The following ACE variants were observed in gnomAD, a reference collection of about 807,000 sequenced individuals.
ACE encodes the protein angiotensin I converting enzyme.
A neutral mutation model predicts 162.3 loss-of-function variants in ACE; 122 were observed. The observed-to-expected ratio is 0.75, with a 90% confidence interval of 0.65 to 0.87. ACE has a LOEUF of 0.87. ACE is among the 40% of genes least tolerant of loss of function. The probability of loss-of-function intolerance (pLI) is 0.00; values close to 1 mark genes in which losing one functional copy is unlikely to be tolerated. For missense variants in ACE, 1,799 were observed against 1,735.1 expected (o/e 1.04, Z -0.65); for synonymous variants, 796 against 720.6 (o/e 1.10, Z -1.68).
At position 63,497,286 on chromosome 17, in the gene ACE, T is replaced by C; in HGVS notation, c.3841T>C (p.Phe1281Leu). 6.4e-7 allele frequency: 1 copy of C among 1,555,580 alleles called. No homozygotes were observed. Among genetic ancestry groups the C allele is most frequent in the Non-Finnish European group, 8.7e-7 (1 of 1,151,632 alleles). The change falls in exon 25 of 25, where the codon TTC becomes CTC. Residue 1281 changes from phenylalanine (F) to leucine (L), a missense_variant. Physicochemically the swap from Phe to Leu is conservative, Grantham distance 22. Coordinates refer to ENST00000290866, the MANE Select transcript of ACE (RefSeq NM_000789.4). ...VATLGLSQRL[F>L]SIRHRSLHRH... ...CACCCTGGGCCTCAGCCAGCGGCTC[T>C]TCAGCATCCGCCACCGCAGCCTCCA...
rs780740094 is a variant in ACE, at chr17:63,481,167, C to T, written c.924C>T (p.Val308=). The T allele has an allele frequency of 2.9e-5, 46 of 1,613,110 alleles. No homozygotes were observed. The South Asian group carries it at 4.7e-4, about 17-fold the overall frequency. ...TCCCAGACAAGCCCAACCTCGATGT[C>T]ACCAGTACTATGCTGCAGCAGGTAA... The part of the protein sequence containing the change: ...VPFPDKPNLD[V]TSTMLQQGWN... The change falls in exon 6 of 25, where the codon GTC becomes GTT. Residue 308 remains valine (V), a synonymous_variant. Transcript: ENST00000290866.
intron 17 of ACE, chr17:63,490,628 G>A (rs560249643): frequency 2.5e-6 from 1 of 402,484 alleles, no homozygotes; most frequent in South Asian, 2.2e-5. Context: ...GGCCACCGGG[G>A]TGTAGGTGTT....
At chr17:63,482,354 C>T (rs1237064831) in intron 7 of ACE, 112 bp from the exon 8 acceptor site, 1 of 945,764 alleles carries the variant, frequency 1.1e-6, no homozygotes, top group Non-Finnish European at 1.7e-6. Flanking sequence ...CTTCATGCCC[C>T]AGGGCAGCTC....
At position 63,494,152 on chromosome 17, in the gene ACE, G is replaced by A. The variant is rs1325945243; in HGVS notation, c.3281+86G>A. The A allele has an allele frequency of 3.2e-6, 5 of 1,556,156 alleles. No individual in the cohort carries two copies. The East Asian group carries it at 9.1e-5, about 28-fold the overall frequency. ...TGGGTGTCTGGATGGGCCAGGGTAG[G>A]GGAGTGTGTGTGTGTGTGTACACTA... On this transcript the variant is annotated intron_variant, in intron 21 of 24. Transcript: ENST00000290866.
chr17:63,479,658 G>A lies in ACE; in HGVS notation c.512-111G>A, dbSNP rs1251519436. 2.8e-6 allele frequency: 4 copies of A among 1,451,814 alleles called. No individual in the cohort carries two copies. The African/African-American group carries it at 5.6e-5, about 20-fold the overall frequency. 89.9% of individuals were successfully genotyped at this position (1,451,814 alleles called of 1,614,324 possible). A position where few individuals can be genotyped will look rare whatever the true frequency, so the allele number is the denominator to read the frequency against. On this transcript the variant is annotated intron_variant, in intron 3 of 24. Transcript: ENST00000290866. ...TGGCCCCTGTCTCTGGGGGCACCGT[G>A]ATGTTCAGGAAGCTGGTGGGAGCAG... is the stretch of plus-strand genomic sequence containing the variant.
In ACE at chr17:63,486,570, T is replaced by C; in HGVS notation, c.2072T>C (p.Met691Thr). 1 of 1,614,118 alleles carries C rather than the reference T, an allele frequency of 6.2e-7. No homozygotes were observed. Among genetic ancestry groups the C allele is most frequent in the Non-Finnish European group, 8.5e-7 (1 of 1,180,014 alleles). The part of the protein sequence containing the change: ...ETSKILLQKN[M>T]QIANHTLKYG... ...CTGTGCCCTCAGCTGCAGAAGAACA[T>C]GCAAATAGCCAACCACACCCTGAAG... Residue 691 changes from methionine (M) to threonine (T), a missense_variant, in exon 14 of 25, where the codon ATG becomes ACG. Physicochemically the swap from Met to Thr is moderately conservative, Grantham distance 81. Coordinates refer to ENST00000290866, the MANE Select transcript of ACE (RefSeq NM_000789.4).
chr17:63,479,212 A>C, intron 3 of ACE, 112 bp downstream of exon 3: 4 of 889,176 alleles, frequency 4.5e-6, no homozygotes, highest in East Asian at 2.7e-5. Flanking sequence ...GGTAAACCCA[A>C]AGGTGTTGCC....
Position 63,477,123 on chromosome 17 carries a change from C to CGGGGCTGCTGCTGCCGCT in ACE, c.31_48dup (p.Gly11_Leu16dup). 7.3e-7 allele frequency: 1 copy of CGGGGCTGCTGCTGCCGCT among 1,372,216 alleles called. No homozygotes were observed. The highest frequency in any genetic ancestry group is 3.2e-5 in the Admixed American group (1 of 30,904). The allele number at this position is 1,372,216 out of a possible 1,614,324, so 85.0% of individuals were successfully genotyped here. ...GGGGCCGCCTCGGGCCGCCGGGGGC[C>CGGGGCTGCTGCTGCCGCT]GGGGCTGCTGCTGCCGCTGCCGCTG... On this transcript the variant is annotated inframe_insertion, in exon 1 of 25. Transcript: ENST00000290866.
Position 63,477,974 on chromosome 17 carries a change from G to A in ACE, c.293G>A (p.Gly98Asp). 1 of 1,612,260 alleles carries A rather than the reference G, an allele frequency of 6.2e-7. No homozygotes were observed. Among genetic ancestry groups the A allele is most frequent in the East Asian group, 2.2e-5 (1 of 44,828 alleles). The change falls in exon 2 of 25, where the codon GGC (glycine) becomes GAC (aspartate). Residue 98 changes from glycine (G) to aspartate (D), a missense_variant. Transcript: ENST00000290866. ...LLSQEFAEAW[G>D]QKAKELYEPI... The stretch of plus-strand genomic sequence containing the variant: ...AGCCAGGAGTTTGCGGAGGCCTGGG[G>A]CCAGAAGGCCAAGGAGCTGTATGAA...
chr17:63,496,778 CCT>C lies in ACE; in HGVS notation c.3504-19_3504-18del. The C allele has an allele frequency of 6.2e-7, 1 of 1,610,360 alleles. No individual in the cohort carries two copies. The highest frequency in any genetic ancestry group is 8.5e-7 in the Non-Finnish European group (1 of 1,179,916). On this transcript the variant is annotated intron_variant, in intron 23 of 24. Transcript: ENST00000290866. The stretch of plus-strand genomic sequence containing the variant: ...GGCCATGTCCTTCTGACTCTGCCTC[CCT>C]GTCTCATGCCTCCCCAGGACCGCCA...
chr17:63,482,534 A>G lies in ACE; in HGVS notation c.1187A>G (p.Gln396Arg). The change falls in exon 8 of 25, where the codon CAG (glutamine) becomes CGG (arginine). Residue 396 changes from glutamine to arginine, a missense_variant. Transcript: ENST00000290866. Reference sequence around the variant, plus strand: ...GTGCACCATGAGATGGGCCATATACAGTACTACCTGCAGTACAAGGATCTG... The same window carrying G: ...GTGCACCATGAGATGGGCCATATACGGTACTACCTGCAGTACAAGGATCTG... ...STVHHEMGHI[Q>R]YYLQYKDLPV... The G allele has an allele frequency of 1.2e-6, 2 of 1,614,084 alleles. No individual in the cohort carries two copies. Among genetic ancestry groups the G allele is most frequent in the Non-Finnish European group, 1.7e-6 (2 of 1,180,008 alleles).
chr17:63,478,728 G>A, intron 2 of ACE: 1 of 518,946 alleles, frequency 1.9e-6, no homozygotes, highest in Non-Finnish European at 3.5e-6. Context: ...GAATGGGAGG[G>A]ATCTGCCCTC....
At chr17:63,497,024 C>G (rs769766742) in intron 24 of ACE, 39 bp downstream of exon 24, 1 of 1,395,486 alleles carries the variant, frequency 7.2e-7, no homozygotes, top group Non-Finnish European at 9.6e-7. Flanking sequence ...TGGGTCTTAA[C>G]CCCCTCCCCA....
intron 22 of ACE, chr17:63,496,139 C>G: frequency 1.9e-6 from 1 of 531,280 alleles, no homozygotes; most frequent in Non-Finnish European, 3.4e-6. Flanking sequence ...TGGAGCAGGC[C>G]CTCCTGAGTT....
chr17:63,484,630 C>T lies in ACE; in HGVS notation c.1921+89C>T. On this transcript the variant is annotated intron_variant, in intron 12 of 24. Coordinates refer to ENST00000290866, the MANE Select transcript of ACE (RefSeq NM_000789.4). The surrounding 1 kb of genome is among the most constrained non-coding windows in gnomAD (Gnocchi z 4.0). ...GCCCCAGGTTCCTGGTCAGCTCCTA[C>T]CAGCTGAGCCCTGGTACCCTGTCCT... 3 of 1,484,328 alleles carry T rather than the reference C, an allele frequency of 2.0e-6. No individual in the cohort carries two copies. The highest frequency in any genetic ancestry group is 2.7e-6 in the Non-Finnish European group (3 of 1,108,620). 91.9% of individuals were successfully genotyped at this position (1,484,328 alleles called of 1,614,324 possible).
At chr17:63,480,598 T>C in intron 5 of ACE, 70 bp downstream of exon 5, 1 of 1,562,268 alleles carries the variant, frequency 6.4e-7, no homozygotes, top group African/African-American at 1.4e-5. Flanking sequence ...GTGGGGGATG[T>C]CCAGGGTAAG....
At position 63,488,096 on chromosome 17, in the gene ACE, G is replaced by A. The variant is rs369569083; in HGVS notation, c.2306-552G>A. Among the ~76,000 whole-genome samples, 21 of 152,278 alleles carry A rather than the reference G, an allele frequency of 1.4e-4. No homozygotes were observed. The South Asian group carries it at 2.1e-3, about 15-fold the overall frequency. ...CTAAAAATACAAAAGTTAGCTGGGCGTGGTGGTAGATGCCTGTAGTCCCAG... is the reference window on the plus strand; with the variant it reads ...CTAAAAATACAAAAGTTAGCTGGGCATGGTGGTAGATGCCTGTAGTCCCAG... On this transcript the variant is annotated intron_variant, in intron 15 of 24. Transcript: ENST00000290866.
chr17:63,477,420 G>T (rs992062827), intron 1 of ACE, 77 bp downstream of exon 1: 1 of 1,118,820 alleles, frequency 8.9e-7, no homozygotes, highest in Non-Finnish European at 1.1e-6. Context: ...TTGTGGGGCG[G>T]GCAGGCTGGC....
Position 63,489,228 on chromosome 17 carries a change from G to A in ACE, c.2641+96G>A, listed in dbSNP as rs957066503. 1.5e-5 allele frequency: 22 copies of A among 1,447,608 alleles called. No homozygotes were observed. The African/African-American group carries it at 3.1e-4, about 20-fold the overall frequency. 89.7% of individuals were successfully genotyped at this position (1,447,608 alleles called of 1,614,324 possible). On this transcript the variant is annotated intron_variant, in intron 17 of 24. Transcript: ENST00000290866. ...TGACTAGAGGGTAGGGAGCAGGCTG[G>A]GGACTGAGAGACTCCAGCCCTGTGG...
Sources: gnomAD v4.1 joint callset for allele counts (sites outside exome capture counted in the v4.1 genomes callset) on GRCh38, gnomAD v4.1.1 for gene constraint, Gnocchi (gnomAD v3.1) non-coding constraint, MANE v1.5 for transcripts, NCBI Gene and HGNC (gene_info 2026-07-23, HGNC 2026-07-21) for gene names.